The following GNAI3 variants were observed in gnomAD, a reference collection of about 807,000 sequenced individuals.
GNAI3 encodes guanine nucleotide-binding protein G(i) subunit alpha-3.
GNAI3 carries 12 observed loss-of-function variants against 41.8 expected under a neutral mutation model. That is an observed-to-expected ratio of 0.29 (90% CI 0.18 to 0.47). GNAI3 has a LOEUF of 0.47. Ranked by LOEUF, GNAI3 falls within the 20% of genes least tolerant of loss-of-function variation. GNAI3 has a pLI of 1.00. For synonymous variants in GNAI3, 132 were observed against 146.5 expected (o/e 0.90, Z 0.71); for missense variants, 360 against 429.6 (o/e 0.84, Z 1.43).
chr1:109,586,423 C>A, intron 6 of GNAI3, 78 bp downstream of exon 6: 1 of 1,365,382 alleles, frequency 7.3e-7, no homozygotes, highest in Non-Finnish European at 1.0e-6. Flanking sequence ...AGATTATCTG[C>A]ATCCATTTCC....
chr1:109,574,193 A>G (rs1648679762), intron 3 of GNAI3, among the ~76,000 whole-genome samples, 156 bp downstream of exon 3: 1 of 152,142 alleles, frequency 6.6e-6, no homozygotes, highest in Admixed American at 6.6e-5. Flanking sequence ...TTAGCAATCT[A>G]CTTTAGCAGG....
At position 109,598,765 on chromosome 1, in the gene GNAI3, C is replaced by CA. The variant is rs1220366050; in HGVS notation, c.*6444dup. On this transcript the variant is annotated 3_prime_UTR_variant, in exon 9 of 9. Transcript: ENST00000369851. ...AAAAAGACAGAAAAGTTCCCTTCTGCAGTCTCCAGTGTCTTCTGACCTCAC... is the reference window on the plus strand; with the variant it reads ...AAAAAGACAGAAAAGTTCCCTTCTGCAAGTCTCCAGTGTCTTCTGACCTCAC... The CA allele has an allele frequency of 5.1e-6, 2 of 395,148 alleles. No individual in the cohort carries two copies. The highest frequency in any genetic ancestry group is 1.1e-5 in the Non-Finnish European group (2 of 180,028). The allele number at this position is 395,148 out of a possible 1,614,324, so 24.5% of individuals were successfully genotyped here. A position where few individuals can be genotyped will look rare whatever the true frequency, so the allele number is the denominator to read the frequency against.
In GNAI3 at chr1:109,586,890, GT is replaced by G; in HGVS notation, c.874+10del. On this transcript the variant is annotated intron_variant, in intron 7 of 8. Transcript: ENST00000369851. Reference sequence around the variant, plus strand: ...GTTATCCAGAATACACAGGTAAGGGGTTATGAAAGATTTTATTGGAGGTACA... The same window carrying G: ...GTTATCCAGAATACACAGGTAAGGGGTATGAAAGATTTTATTGGAGGTACA... 6.3e-7 allele frequency: 1 copy of G among 1,580,074 alleles called. No homozygotes were observed. Among genetic ancestry groups the G allele is most frequent in the Non-Finnish European group, 8.7e-7 (1 of 1,152,398 alleles).
rs979942940 is a variant in GNAI3, at chr1:109,596,705, A to G, written c.*4383A>G. On this transcript the variant is annotated 3_prime_UTR_variant, in exon 9 of 9. Coordinates refer to ENST00000369851, the MANE Select transcript of GNAI3 (RefSeq NM_006496.4). ...TCAGGCCTAGGCCTGGGCTGACTCA[A>G]ATCTTCTCAGGAATAAGAGGTAAGA... 3.3e-5 allele frequency: 5 copies of G among 152,208 alleles called. No individual in the cohort carries two copies. Among genetic ancestry groups the G allele is most frequent in the Admixed American group, 6.5e-5 (1 of 15,278 alleles). 9.4% of individuals were successfully genotyped at this position (152,208 alleles called of 1,614,324 possible).
chr1:109,550,354 C>G (rs1210411287), intron 1 of GNAI3, among the ~76,000 whole-genome samples: 1 of 152,088 alleles, frequency 6.6e-6, no homozygotes, highest in African/African-American at 2.4e-5. Context: ...TCAGAAGATG[C>G]GAGTTCAAAT....
chr1:109,580,206 G>C (rs1471004036), intron 4 of GNAI3, among the ~76,000 whole-genome samples: 1 of 152,102 alleles, frequency 6.6e-6, no homozygotes, highest in African/African-American at 2.4e-5. Flanking sequence ...CAACGTGTTA[G>C]CCAGGATGGT....
chr1:109,576,425 G>A (rs1241415874), intron 3 of GNAI3, among the ~76,000 whole-genome samples: 1 of 152,082 alleles, frequency 6.6e-6, no homozygotes, highest in African/African-American at 2.4e-5. Flanking sequence ...AAATAGAGCT[G>A]AGTGTGGAAT....
At chr1:109,588,596 T>C (rs1649092169) in intron 7 of GNAI3, among the ~76,000 whole-genome samples, 1 of 151,602 alleles carries the variant, frequency 6.6e-6, no homozygotes, top group Non-Finnish European at 1.5e-5. Flanking sequence ...CTGTAAATGC[T>C]TTCTATAATA....
intron 3 of GNAI3, among the ~76,000 whole-genome samples, chr1:109,575,191 A>G (rs143808247): frequency 1.4e-3 from 215 of 152,336 alleles, no homozygotes; most frequent in African/African-American, 5.0e-3. Flanking sequence ...TCAAGCAAAA[A>G]TAAAGCCTTT....
In GNAI3 at chr1:109,595,495, C is replaced by G. The variant is rs1649280593; in HGVS notation, c.*3173C>G. 1 of 151,856 alleles carries G rather than the reference C, an allele frequency of 6.6e-6. No homozygotes were observed. The highest frequency in any genetic ancestry group is 6.6e-5 in the Admixed American group (1 of 15,248). 9.4% of individuals were successfully genotyped at this position (151,856 alleles called of 1,614,324 possible). On this transcript the variant is annotated 3_prime_UTR_variant, in exon 9 of 9. Transcript: ENST00000369851. ...CAAAATTTTAAAAAAAACTTCTTGC[C>G]TTGTTTTTTTAATTTTCATATATAT...
At position 109,548,643 on chromosome 1, in the gene GNAI3, A is replaced by T. The variant is rs1199529246; in HGVS notation, c.-78A>T. 5.2e-6 allele frequency: 5 copies of T among 956,394 alleles called. No individual in the cohort carries two copies. The highest frequency in any genetic ancestry group is 8.3e-6 in the Non-Finnish European group (5 of 599,550). 59.2% of individuals were successfully genotyped at this position (956,394 alleles called of 1,614,324 possible). ...GGAGAGGGCCACCGCCCAGCAATAGACGGTGCCTCAGCCTGCCGAGCCGCA... is the reference window on the plus strand; with the variant it reads ...GGAGAGGGCCACCGCCCAGCAATAGTCGGTGCCTCAGCCTGCCGAGCCGCA... On this transcript the variant is annotated 5_prime_UTR_variant, in exon 1 of 9. Coordinates refer to ENST00000369851, the MANE Select transcript of GNAI3 (RefSeq NM_006496.4).
At chr1:109,553,071 A>G (rs1348914291) in intron 1 of GNAI3, among the ~76,000 whole-genome samples, 4 of 152,202 alleles carry the variant, frequency 2.6e-5, no homozygotes, top group African/African-American at 4.8e-5. Context: ...GGTCACTTCT[A>G]TTGATGATGA....
At chr1:109,591,569 C>G in intron 7 of GNAI3, 2 of 640,200 alleles carry the variant, frequency 3.1e-6, no homozygotes, top group Non-Finnish European at 5.7e-6. Flanking sequence ...TGCGTGTCAT[C>G]CTTGCGCGGG....
At chr1:109,559,547 T>C (rs144741491) in intron 1 of GNAI3, among the ~76,000 whole-genome samples, 1,672 of 152,358 alleles carry the variant, frequency 0.011, 29 homozygotes, top group Admixed American at 0.05. Flanking sequence ...TTTTGTGTTA[T>C]GTCTCTTATT....
chr1:109,592,193 T>C lies in GNAI3; in HGVS notation c.1025T>C (p.Val342Ala), dbSNP rs749982513. ...VQFVFDAVTD[V>A]IIKNNLKECG... ...TTTGTTTTTGATGCTGTTACAGATG[T>C]CATCATTAAAAACAACTTAAAGGAA... The change falls in exon 8 of 9, where the codon GTC becomes GCC. Residue 342 changes from valine to alanine, a missense_variant. Physicochemically the swap from Val to Ala is moderately conservative, Grantham distance 64. Coordinates refer to ENST00000369851, the MANE Select transcript of GNAI3 (RefSeq NM_006496.4). The C allele has an allele frequency of 6.2e-7, 1 of 1,613,296 alleles. No homozygotes were observed. Among genetic ancestry groups the C allele is most frequent in the East Asian group, 2.2e-5 (1 of 44,876 alleles).
chr1:109,582,391 A>G (rs1301284586), intron 4 of GNAI3, 46 bp from the exon 5 acceptor site: 2 of 1,534,006 alleles, frequency 1.3e-6, no homozygotes, highest in Non-Finnish European at 1.8e-6. Context: ...TTTGCTATGC[A>G]CATGGTTGGC....
rs1433857452 is a variant in GNAI3 at position 109,597,524 on chromosome 1, C to T, written c.*5202C>T. On this transcript the variant is annotated 3_prime_UTR_variant, in exon 9 of 9. Transcript: ENST00000369851. ...TAAGCAACTTCAGTGCACAAATAAGCTCAAAATCACTAGTGAGTGATCTAT... is the reference window on the plus strand; with the variant it reads ...TAAGCAACTTCAGTGCACAAATAAGTTCAAAATCACTAGTGAGTGATCTAT... 6.6e-6 allele frequency: 1 copy of T among 151,352 alleles called. No homozygotes were observed. Among genetic ancestry groups the T allele is most frequent in the East Asian group, 1.9e-4 (1 of 5,162 alleles). 9.4% of individuals were successfully genotyped at this position (151,352 alleles called of 1,614,324 possible). A position where few individuals can be genotyped will look rare whatever the true frequency, so the allele number is the denominator to read the frequency against.
In GNAI3 at chr1:109,579,299, T is replaced by C; in HGVS notation, c.399T>C (p.Asp133=). Residue 133 remains aspartate (D), a synonymous_variant, in exon 4 of 9, where the codon GAT becomes GAC. Transcript: ENST00000369851. ...LAGVIKRLWR[D]GGVQACFSRS... The stretch of plus-strand genomic sequence containing the variant: ...GAGTGATTAAACGGTTATGGCGAGA[T>C]GGTGGGGTACAAGCTTGCTTCAGCA... The C allele has an allele frequency of 1.2e-6, 2 of 1,613,690 alleles. No individual in the cohort carries two copies. The highest frequency in any genetic ancestry group is 1.7e-6 in the Non-Finnish European group (2 of 1,179,618).
At chr1:109,571,574 G>A (rs757682714) in intron 1 of GNAI3, among the ~76,000 whole-genome samples, 3 of 152,130 alleles carry the variant, frequency 2.0e-5, no homozygotes, top group Non-Finnish European at 4.4e-5. Context: ...GTGGCCGAGG[G>A]TACTCACTAG....
Sources: allele counts gnomAD v4.1 joint callset (sites outside exome capture counted in the v4.1 genomes callset), GRCh38; gene constraint gnomAD v4.1.1; transcripts MANE v1.5; gene names NCBI Gene and HGNC (gene_info 2026-07-23, HGNC 2026-07-21).